The following MEMO1 variants were observed in gnomAD, a reference collection of about 807,000 sequenced individuals.
MEMO1 encodes mediator of cell motility 1, also known as protein MEMO1.
MEMO1 carries 6 observed loss-of-function variants against 45.2 expected under a neutral mutation model. The ratio of observed to expected loss-of-function variants is 0.13; its 90% CI spans 0.07 to 0.26. The LOEUF is 0.26. Among genes scored for constraint, MEMO1 ranks in the 10% least tolerant of loss-of-function variants. The probability of loss-of-function intolerance (pLI) is 1.00; values close to 1 mark genes in which losing one functional copy is unlikely to be tolerated. For missense variants in MEMO1, 184 were observed against 370.5 expected, an observed-to-expected ratio of 0.50 and a Z score of 4.13; for synonymous variants, 78 against 124.3, an observed-to-expected ratio of 0.63 and a Z score of 2.48.
chr2:31,951,479 T>A (rs1261051119), intron 2 of MEMO1, among the ~76,000 whole-genome samples: 1 of 151,694 alleles, frequency 6.6e-6, no homozygotes, highest in Admixed American at 6.6e-5. Flanking sequence ...GAAAAGTGTT[T>A]CCGAGAAGCC....
chr2:31,959,480 T>G (rs1477475374), intron 2 of MEMO1, among the ~76,000 whole-genome samples: 1 of 151,012 alleles, frequency 6.6e-6, no homozygotes, highest in Admixed American at 6.6e-5. Flanking sequence ...CTCTCTCTAA[T>G]GAATAAGCAC....
chr2:32,002,144 C>CAAAAAA (rs1156408005), intron 2 of MEMO1, among the ~76,000 whole-genome samples: 11 of 55,696 alleles, frequency 2.0e-4, no homozygotes, highest in East Asian at 4.6e-4. Flanking sequence ...GACTCTGTCT[C>CAAAAAA]AAAAAAAAAA....
At chr2:31,993,735 T>A (rs923754282) in intron 2 of MEMO1, among the ~76,000 whole-genome samples, 6 of 152,134 alleles carry the variant, frequency 3.9e-5, no homozygotes, top group Admixed American at 1.3e-4. Context: ...TCATTGGAGC[T>A]ATCACCAGTC....
chr2:31,985,677 T>C (rs1671176146), intron 2 of MEMO1, among the ~76,000 whole-genome samples: 2 of 152,254 alleles, frequency 1.3e-5, no homozygotes, highest in Admixed American at 1.3e-4. Flanking sequence ...TACATGGCTT[T>C]TAACAATTGT....
At chr2:31,990,571 C>CTTTTTT (rs34456440) in intron 2 of MEMO1, among the ~76,000 whole-genome samples, 5 of 119,994 alleles carry the variant, frequency 4.2e-5, no homozygotes, top group Admixed American at 8.5e-5. Context: ...AATTTTTTTT[C>CTTTTTT]TTTTTTTTTT....
chr2:31,972,457 T>C (rs1259569116), intron 2 of MEMO1, among the ~76,000 whole-genome samples: 1 of 152,156 alleles, frequency 6.6e-6, no homozygotes, highest in East Asian at 1.9e-4. Flanking sequence ...ACCCCCATAA[T>C]CCCAGCACTT....
intron 6 of MEMO1, among the ~76,000 whole-genome samples, chr2:31,899,607 T>A (rs1424465003): frequency 6.6e-6 from 1 of 152,172 alleles, no homozygotes; most frequent in Admixed American, 6.5e-5. Flanking sequence ...GCTATACCAT[T>A]CAGGACATAT....
chr2:31,915,585 T>G, intron 6 of MEMO1, among the ~76,000 whole-genome samples: 1 of 151,478 alleles, frequency 6.6e-6, no homozygotes, highest in Non-Finnish European at 1.5e-5. Context: ...AGAAGAAGTC[T>G]AAGCTATTCT....
intron 7 of MEMO1, among the ~76,000 whole-genome samples, chr2:31,888,923 C>CT (rs1676557844): frequency 1.3e-5 from 2 of 151,966 alleles, no homozygotes; most frequent in Non-Finnish European, 2.9e-5. Flanking sequence ...CTTTATTTCT[C>CT]TAATGTCTCT....
intron 2 of MEMO1, among the ~76,000 whole-genome samples, chr2:31,962,401 A>T (rs908500459): frequency 6.6e-6 from 1 of 152,064 alleles, no homozygotes. Flanking sequence ...AAAAGAAGAA[A>T]AGAAAAGAAA....
At chr2:31,886,134 C>G (rs1436922576) in intron 7 of MEMO1, among the ~76,000 whole-genome samples, 1 of 152,122 alleles carries the variant, frequency 6.6e-6, no homozygotes, top group South Asian at 2.1e-4. Flanking sequence ...TCTTTAGTAG[C>G]CACCTCATAT....
At chr2:31,899,731 A>G (rs1356031557) in intron 6 of MEMO1, among the ~76,000 whole-genome samples, 3 of 152,222 alleles carry the variant, frequency 2.0e-5, no homozygotes, top group African/African-American at 4.8e-5. Context: ...AGAAACTACC[A>G]TCAGAGTGAA....
At chr2:31,870,327 C>G (rs1673510243) in intron 8 of MEMO1, among the ~76,000 whole-genome samples, 1 of 152,010 alleles carries the variant, frequency 6.6e-6, no homozygotes. Flanking sequence ...TGTATGAAAC[C>G]TAAAATTTAA....
chr2:32,000,934 T>A (rs1288392806), intron 2 of MEMO1, among the ~76,000 whole-genome samples: 1 of 151,938 alleles, frequency 6.6e-6, no homozygotes, highest in African/African-American at 2.4e-5. Context: ...ATACACCTAG[T>A]CCCATCAGCA....
chr2:31,992,801 GAATT>G (rs1226048642), intron 2 of MEMO1, among the ~76,000 whole-genome samples: 3 of 151,742 alleles, frequency 2.0e-5, no homozygotes, highest in Admixed American at 2.0e-4. Flanking sequence ...AAAAAAAAAT[GAATT>G]AATAAAATAA....
intron 6 of MEMO1, among the ~76,000 whole-genome samples, chr2:31,899,296 T>A (rs1395084494): frequency 1.3e-5 from 2 of 152,142 alleles, no homozygotes; most frequent in African/African-American, 2.4e-5. Flanking sequence ...ACTACAAGGC[T>A]ACAGTAACCA....
At chr2:31,886,078 A>C (rs1202374567) in intron 7 of MEMO1, among the ~76,000 whole-genome samples, 2 of 152,228 alleles carry the variant, frequency 1.3e-5, no homozygotes, top group Non-Finnish European at 2.9e-5. Flanking sequence ...GAATGCAAAA[A>C]TGCACAGAGA....
intron 7 of MEMO1, among the ~76,000 whole-genome samples, chr2:31,886,399 T>C (rs1280517247): frequency 6.6e-6 from 1 of 152,234 alleles, no homozygotes; most frequent in East Asian, 1.9e-4. Flanking sequence ...CCTATATGTA[T>C]GTGTGTATTT....
intron 2 of MEMO1, among the ~76,000 whole-genome samples, chr2:31,945,219 C>A (rs1173907197): frequency 6.6e-6 from 1 of 152,162 alleles, no homozygotes; most frequent in African/African-American, 2.4e-5. Flanking sequence ...CTAAATCATT[C>A]ATTTGCAGGG....
Sources: allele counts gnomAD v4.1 joint callset (sites outside exome capture counted in the v4.1 genomes callset), GRCh38; gene constraint gnomAD v4.1.1; transcripts MANE v1.5; gene names NCBI Gene and HGNC (gene_info 2026-07-23, HGNC 2026-07-21).